TNRC6A: variants seen among roughly 807,000 people sequenced by gnomAD.
The protein encoded by TNRC6A is trinucleotide repeat-containing gene 6A protein.
Under a neutral mutation model 221.2 loss-of-function variants are expected in TNRC6A, and 44 were observed. The ratio of observed to expected loss-of-function variants is 0.20; its 90% CI spans 0.16 to 0.26. The LOEUF (loss-of-function observed/expected upper bound fraction) is 0.26. Among genes scored for constraint, TNRC6A ranks in the 10% least tolerant of loss-of-function variants. The pLI is 1.00. For missense variants in TNRC6A, 2,199 were observed against 2,404.4 expected, an observed-to-expected ratio of 0.91 and a Z score of 1.79; for synonymous variants, 847 against 838.5, an observed-to-expected ratio of 1.01 and a Z score of -0.18.
chr16:24,738,875 A>C (rs1417845069), intron 2 of TNRC6A, among the ~76,000 whole-genome samples: 1 of 152,104 alleles, frequency 6.6e-6, no homozygotes, highest in East Asian at 1.9e-4. Flanking sequence ...TTTGTTTTTG[A>C]GACGGACTCC....
chr16:24,660,178 C>A (rs1030320565), intron 2 of TNRC6A, among the ~76,000 whole-genome samples: 1 of 152,038 alleles, frequency 6.6e-6, no homozygotes, highest in Non-Finnish European at 1.5e-5. Flanking sequence ...GCAGCCATCA[C>A]CCAAGCAGTA....
intron 11 of TNRC6A, chr16:24,803,805 G>A (rs532580709): frequency 2.2e-5 from 4 of 185,076 alleles, no homozygotes; most frequent in African/African-American, 7.2e-5. Flanking sequence ...AGAGGCTGAG[G>A]CATGAGAATT....
intron 2 of TNRC6A, among the ~76,000 whole-genome samples, chr16:24,733,566 A>G (rs1392728755): frequency 6.6e-6 from 1 of 152,222 alleles, no homozygotes; most frequent in Non-Finnish European, 1.5e-5. Flanking sequence ...ATAAAAGGGC[A>G]TTGTAAGAAC....
intron 1 of TNRC6A, among the ~76,000 whole-genome samples, chr16:24,614,642 C>A (rs1016299778): frequency 6.6e-6 from 1 of 152,056 alleles, no homozygotes; most frequent in Admixed American, 6.6e-5. Context: ...TGAGATTGTT[C>A]CCCGTAATGA....
At chr16:24,731,068 T>C (rs2056628624) in intron 2 of TNRC6A, among the ~76,000 whole-genome samples, 1 of 151,992 alleles carries the variant, frequency 6.6e-6, no homozygotes, top group Non-Finnish European at 1.5e-5. Flanking sequence ...AATTGTACTG[T>C]ATTTAACTCC....
intron 2 of TNRC6A, chr16:24,665,113 T>TG (rs1413059616): frequency 1.0e-5 from 4 of 394,004 alleles, no homozygotes; most frequent in African/African-American, 8.2e-5. Flanking sequence ...TTGCCTAGCC[T>TG]GGAGTGCAGT....
chr16:24,711,950 T>C (rs956147629), intron 2 of TNRC6A, among the ~76,000 whole-genome samples: 2 of 151,666 alleles, frequency 1.3e-5, no homozygotes, highest in African/African-American at 2.4e-5. Flanking sequence ...GATGAGCTGC[T>C]ATGCCTGGCT....
In TNRC6A at chr16:24,804,211, A is replaced by T. The variant is rs766808593; in HGVS notation, c.3729A>T (p.Lys1243Asn). ...MLQDKRMEID[K>N]HSLNIGDYNR... ...AAGACAAACGAATGGAGATAGATAA[A>T]CATAGCCTAAATATTGGTGATTACA... The change falls in exon 12 of 25, where the codon AAA becomes AAT. Residue 1243 changes from lysine (K) to asparagine (N), a missense_variant. Physicochemically the swap from Lys to Asn is moderately conservative, Grantham distance 94. This residue lies in a region of TNRC6A where 158 missense variants were observed against 159.1 expected (regional missense o/e 0.99). Transcript: ENST00000395799. 2 of 1,612,602 alleles carry T rather than the reference A, an allele frequency of 1.2e-6. No homozygotes were observed. Among genetic ancestry groups the T allele is most frequent in the Non-Finnish European group, 1.7e-6 (2 of 1,179,720 alleles).
intron 1 of TNRC6A, among the ~76,000 whole-genome samples, chr16:24,614,288 C>T (rs1469371234): frequency 6.6e-6 from 1 of 152,206 alleles, no homozygotes; most frequent in Non-Finnish European, 1.5e-5. Context: ...GCCCCGTGGG[C>T]CTAGACAAGT....
At chr16:24,767,005 T>G (rs1330137930) in intron 4 of TNRC6A, among the ~76,000 whole-genome samples, 2 of 152,210 alleles carry the variant, frequency 1.3e-5, no homozygotes, top group Admixed American at 6.5e-5. Flanking sequence ...GAATTTCCCA[T>G]CCTTACTATT....
intron 1 of TNRC6A, among the ~76,000 whole-genome samples, chr16:24,639,411 T>G (rs1901811697): frequency 1.3e-5 from 2 of 152,086 alleles, no homozygotes; most frequent in Non-Finnish European, 2.9e-5. Context: ...GAGGATCTCT[T>G]GAACCCAGGA....
At chr16:24,821,463 T>G (rs2058764546) in intron 22 of TNRC6A, among the ~76,000 whole-genome samples, 1 of 152,090 alleles carries the variant, frequency 6.6e-6, no homozygotes, top group Non-Finnish European at 1.5e-5. Context: ...TGGAGGAGGA[T>G]TCCGTGAGAG....
chr16:24,625,429 T>G (rs1900912214), intron 1 of TNRC6A, among the ~76,000 whole-genome samples: 1 of 151,848 alleles, frequency 6.6e-6, no homozygotes, highest in African/African-American at 2.4e-5. Context: ...CTGACCAACA[T>G]GGTGAAACCC....
At chr16:24,655,492 C>T (rs1157072826) in intron 2 of TNRC6A, among the ~76,000 whole-genome samples, 1 of 152,008 alleles carries the variant, frequency 6.6e-6, no homozygotes, top group Non-Finnish European at 1.5e-5. Context: ...AGTTCGAGAC[C>T]ATCCTGGCCA....
intron 2 of TNRC6A, among the ~76,000 whole-genome samples, chr16:24,687,878 A>AAGAAGAAGAAGAAGAAGAAGAAGC (rs1567357134): frequency 6.7e-6 from 1 of 150,044 alleles, no homozygotes; most frequent in Non-Finnish European, 1.5e-5. Flanking sequence ...GAAGAAGAAG[A>AAGAAGAAGAAGAAGAAGAAGAAGC]AGAAGCAGCT....
intron 15 of TNRC6A, among the ~76,000 whole-genome samples, chr16:24,805,969 G>A (rs1005262358): frequency 6.6e-6 from 1 of 152,162 alleles, no homozygotes; most frequent in Non-Finnish European, 1.5e-5. Flanking sequence ...AGTGTTAGTA[G>A]GATGATTAGG....
intron 15 of TNRC6A, 114 bp from the exon 16 acceptor site, chr16:24,806,092 T>A (rs2058425992): frequency 6.4e-6 from 7 of 1,098,838 alleles, no homozygotes; most frequent in Non-Finnish European, 7.8e-6. Context: ...GCTAGACATG[T>A]TGGCATTGGC....
At chr16:24,792,471 GCTAA>G (rs2058124144) in intron 6 of TNRC6A, among the ~76,000 whole-genome samples, 1 of 151,622 alleles carries the variant, frequency 6.6e-6, no homozygotes, top group African/African-American at 2.4e-5. Flanking sequence ...GCTTTCATGA[GCTAA>G]CTTTTTGGCA....
chr16:24,687,843 G>GAA, intron 2 of TNRC6A, among the ~76,000 whole-genome samples: 1 of 101,854 alleles, frequency 9.8e-6, no homozygotes, highest in Non-Finnish European at 2.0e-5. Context: ...AAGAGGAAGA[G>GAA]GAAGAAGAAG....
Sources: allele counts gnomAD v4.1 joint callset (sites outside exome capture counted in the v4.1 genomes callset), GRCh38; gene constraint gnomAD v4.1.1; regional missense constraint gnomAD v4.1.1; transcripts MANE v1.5; gene names NCBI Gene and HGNC (gene_info 2026-07-23, HGNC 2026-07-21).